The following SNX22 variants were observed in gnomAD, a reference collection of about 807,000 sequenced individuals.
SNX22 encodes the protein sorting nexin 22.
A neutral mutation model predicts 24.7 loss-of-function variants in SNX22; 23 were observed. That is an observed-to-expected ratio of 0.93 (90% CI 0.67 to 1.32). SNX22 has a LOEUF of 1.32. Among genes scored for constraint, SNX22 ranks in the 40% most tolerant of loss-of-function variants. SNX22 has a pLI of 0.00. For missense variants in SNX22, 261 were observed against 249.9 expected (o/e 1.04, Z -0.30); for synonymous variants, 99 against 104.0 (o/e 0.95, Z 0.29).
At position 64,156,637 on chromosome 15, in the gene SNX22, G is replaced by C. The variant is rs1434218894; in HGVS notation, c.*2129G>C. On this transcript the variant is annotated 3_prime_UTR_variant, in exon 7 of 7. Transcript: ENST00000325881. This position sits in a 1 kb window ranked among gnomAD's most constrained non-coding sequence, Gnocchi z 6.4. ...TGTGGGTTGGGTCCTTTTGGGAAAGGGATGGACACATGGAGCTCCTGCCCT... is the reference window on the plus strand; with the variant it reads ...TGTGGGTTGGGTCCTTTTGGGAAAGCGATGGACACATGGAGCTCCTGCCCT... The C allele has an allele frequency of 2.6e-6, 4 of 1,515,860 alleles. No individual in the cohort carries two copies. The highest frequency in any genetic ancestry group is 2.3e-5 in the East Asian group (1 of 44,428). The allele number at this position is 1,515,860 out of a possible 1,614,324, so 93.9% of individuals were successfully genotyped here.
Position 64,156,777 on chromosome 15 carries a change from G to A in SNX22, c.*2269G>A, listed in dbSNP as rs752317657. 6.2e-7 allele frequency: 1 copy of A among 1,614,216 alleles called. No individual in the cohort carries two copies. The highest frequency in any genetic ancestry group is 1.7e-5 in the Admixed American group (1 of 60,030). On this transcript the variant is annotated 3_prime_UTR_variant, in exon 7 of 7. Transcript: ENST00000325881. The surrounding 1 kb of genome is among the most constrained non-coding windows in gnomAD (Gnocchi z 6.4). ...CACATGCTTGCCATCTAGCCAGGCT[G>A]TCTTGACTGTCGTGATGAAGAACTG...
In SNX22 at chr15:64,155,406, G is replaced by T. The variant is rs2081520597; in HGVS notation, c.*898G>T. ...AAGGAAGAAGTCAGCTGGGTGCAGA[G>T]GCTCATGCCTGTAATCCCAATACTT... On this transcript the variant is annotated 3_prime_UTR_variant, in exon 7 of 7. Transcript: ENST00000325881. 6.5e-6 allele frequency: 1 copy of T among 153,572 alleles called. No homozygotes were observed. The highest frequency in any genetic ancestry group is 2.4e-5 in the African/African-American group (1 of 41,226). The allele number at this position is 153,572 out of a possible 1,614,324, so 9.5% of individuals were successfully genotyped here.
chr15:64,153,951 C>T lies in SNX22; in HGVS notation c.409C>T (p.Arg137Trp), dbSNP rs747425611. 13 of 1,612,826 alleles carry T rather than the reference C, an allele frequency of 8.1e-6. 1 individual carries two copies. In the South Asian group the frequency reaches 1.1e-4, roughly 14 times the overall value. The change falls in exon 6 of 7, where the codon CGG (arginine) becomes TGG (tryptophan). Residue 137 changes from arginine to tryptophan, a missense_variant. Transcript: ENST00000325881. Reference protein sequence around the residue: ...PGDSSSQQHQRPVLSFHVDPY... With the variant: ...PGDSSSQQHQWPVLSFHVDPY... ...TCCTCCCAGCTCCCAGCAGCACCAG[C>T]GGCCTGTCCTGAGCTTCCATGTGGA...
intron 1 of SNX22, 155 bp downstream of exon 1, chr15:64,152,005 T>G: frequency 1.2e-6 from 1 of 838,602 alleles, no homozygotes; most frequent in Non-Finnish European, 1.7e-6. Context: ...GCCGCTTGGA[T>G]TTGCCAGCCT....
intron 3 of SNX22, 97 bp downstream of exon 3, chr15:64,152,839 A>C (rs2081497488): frequency 2.9e-6 from 3 of 1,041,756 alleles, no homozygotes; most frequent in Middle Eastern, 2.1e-4. Context: ...GGAACCCACA[A>C]CTTGGGGATG....
At position 64,153,142 on chromosome 15, in the gene SNX22, G is replaced by A. The variant is rs1235819067; in HGVS notation, c.265-103G>A. ...GGTTCAACGCTCTGCTGTCATTGTC[G>A]TGAAATTCTTTTTTTGGAACAAAGA... On this transcript the variant is annotated intron_variant, in intron 3 of 6. Transcript: ENST00000325881. The A allele has an allele frequency of 4.9e-6, 7 of 1,426,146 alleles. No homozygotes were observed. The East Asian group carries it at 1.2e-4, about 24-fold the overall frequency. 88.3% of individuals were successfully genotyped at this position (1,426,146 alleles called of 1,614,324 possible). A position where few individuals can be genotyped will look rare whatever the true frequency, so the allele number is the denominator to read the frequency against.
At chr15:64,153,424 AC>A in intron 4 of SNX22, 85 bp downstream of exon 4, 1 of 1,587,548 alleles carries the variant, frequency 6.3e-7, no homozygotes, top group Non-Finnish European at 8.6e-7. Flanking sequence ...CTTTCTTTTC[AC>A]ATCTGCCAGG....
rs767878852 is a variant in SNX22, at chr15:64,154,551, CCT to C, written c.*46_*47del. 1 of 1,609,840 alleles carries C rather than the reference CCT, an allele frequency of 6.2e-7. No homozygotes were observed. Among genetic ancestry groups the C allele is most frequent in the South Asian group, 1.1e-5 (1 of 90,754 alleles). ...GGCTGCCTCCTAAGAAAGTCATGTG[CCT>C]CTGTCCTATGAACTCCATATAAGGC... On this transcript the variant is annotated 3_prime_UTR_variant, in exon 7 of 7. Transcript: ENST00000325881.
At position 64,157,314 on chromosome 15, in the gene SNX22, G is replaced by A; in HGVS notation, c.*2806G>A. 4.5e-6 allele frequency: 1 copy of A among 223,362 alleles called. No homozygotes were observed. 13.8% of individuals were successfully genotyped at this position (223,362 alleles called of 1,614,324 possible). On this transcript the variant is annotated 3_prime_UTR_variant, in exon 7 of 7. Transcript: ENST00000325881. This position sits in a 1 kb window ranked among gnomAD's most constrained non-coding sequence, Gnocchi z 4.2. ...CCAGAAAAGGAGGACTGCTGTGGCT[G>A]ACCAGCCTGTTTTCCTATGAGCACA...
In SNX22 at chr15:64,156,001, C is replaced by CACT. The variant is rs753313770; in HGVS notation, c.*1494_*1495insCTA. On this transcript the variant is annotated 3_prime_UTR_variant, in exon 7 of 7. Coordinates refer to ENST00000325881, the MANE Select transcript of SNX22 (RefSeq NM_024798.3). This position sits in a 1 kb window ranked among gnomAD's most constrained non-coding sequence, Gnocchi z 6.4. ...TACAGGGCCTGCACAGACGGTCACT[C>CACT]AAAGAAAGATGTCCCTGTGCCCTAC... is the stretch of plus-strand genomic sequence containing the variant. The CACT allele has an allele frequency of 6.2e-6, 10 of 1,614,092 alleles. 1 individual carries two copies. In the South Asian group the frequency reaches 1.1e-4, roughly 18 times the overall value.
intron 5 of SNX22, 36 bp from the exon 6 acceptor site, chr15:64,153,898 TC>T: frequency 6.2e-7 from 1 of 1,600,888 alleles, no homozygotes; most frequent in Non-Finnish European, 8.5e-7. Context: ...CTGCCCTGCC[TC>T]CCGCACCCAT....
rs778766451 is a variant in SNX22 at position 64,154,022 on chromosome 15, T to C, written c.460+20T>C. ...CCCCAGGTGAGGAGGTGCCTAGATA[T>C]GGGGCTACAGGGCTGGGTTGTGGGC... On this transcript the variant is annotated intron_variant, in intron 6 of 6. Transcript: ENST00000325881. The C allele has an allele frequency of 9.9e-6, 16 of 1,614,106 alleles. No individual in the cohort carries two copies. In the East Asian group the frequency reaches 1.6e-4, roughly 16 times the overall value.
At position 64,156,972 on chromosome 15, in the gene SNX22, G is replaced by A. The variant is rs576181114; in HGVS notation, c.*2464G>A. On this transcript the variant is annotated 3_prime_UTR_variant, in exon 7 of 7. Transcript: ENST00000325881. The surrounding 1 kb of genome is among the most constrained non-coding windows in gnomAD (Gnocchi z 6.4). ...TGCGCCAAACCAAGCAGACATTCGG[G>A]GCCAGGACTGAGGGGGCTTAACCTG... The A allele has an allele frequency of 1.2e-5, 18 of 1,549,598 alleles. No individual in the cohort carries two copies. In the African/African-American group the frequency reaches 2.0e-4, roughly 18 times the overall value.
rs138741187 is a variant in SNX22 at position 64,156,896 on chromosome 15, G to A, written c.*2388G>A. On this transcript the variant is annotated 3_prime_UTR_variant, in exon 7 of 7. Transcript: ENST00000325881. This position sits in a 1 kb window ranked among gnomAD's most constrained non-coding sequence, Gnocchi z 6.4. ...AGTTCTCATCGGGGAAGCGCTCACC[G>A]TAGATGCTCTTTCCTGGGAAAAAAG... is the stretch of plus-strand genomic sequence containing the variant. 2.8e-5 allele frequency: 45 copies of A among 1,614,004 alleles called. No individual in the cohort carries two copies. The highest frequency in any genetic ancestry group is 1.7e-4 in the African/African-American group (13 of 74,918).
rs143287832 is a variant in SNX22 at position 64,156,068 on chromosome 15, G to A, written c.*1560G>A. ...AGGGCTTCTCCACCTCGATCTTGCC[G>A]CAGTCTGCGATGATCACATCCTTCA... On this transcript the variant is annotated 3_prime_UTR_variant, in exon 7 of 7. Coordinates refer to ENST00000325881, the MANE Select transcript of SNX22 (RefSeq NM_024798.3). This position sits in a 1 kb window ranked among gnomAD's most constrained non-coding sequence, Gnocchi z 6.4. 3.2e-5 allele frequency: 51 copies of A among 1,614,062 alleles called. No homozygotes were observed. Among genetic ancestry groups the A allele is most frequent in the African/African-American group, 1.5e-4 (11 of 74,920 alleles).
In SNX22 at chr15:64,155,991, G is replaced by A; in HGVS notation, c.*1483G>A. ...TGTGGCGGACTACAGGGCCTGCACA[G>A]ACGGTCACTCAAAGAAAGATGTCCC... On this transcript the variant is annotated 3_prime_UTR_variant, in exon 7 of 7. Coordinates refer to ENST00000325881, the MANE Select transcript of SNX22 (RefSeq NM_024798.3). 1.2e-6 allele frequency: 2 copies of A among 1,614,050 alleles called. No individual in the cohort carries two copies. The highest frequency in any genetic ancestry group is 1.7e-6 in the Non-Finnish European group (2 of 1,179,976).
chr15:64,153,791 G>C (rs1473246958), intron 5 of SNX22, 107 bp downstream of exon 5: 12 of 1,599,372 alleles, frequency 7.5e-6, no homozygotes, highest in African/African-American at 1.3e-5. Flanking sequence ...CCTGAAGTCT[G>C]TTTTCCCTTT....
intron 1 of SNX22, 28 bp downstream of exon 1, chr15:64,151,878 G>T: frequency 6.6e-7 from 1 of 1,518,728 alleles, no homozygotes; most frequent in Non-Finnish European, 8.8e-7. Context: ...ATGGGGAGGG[G>T]CGCCGGGACC....
rs1221000050 is a variant in SNX22, at chr15:64,156,362, C to G, written c.*1854C>G. On this transcript the variant is annotated 3_prime_UTR_variant, in exon 7 of 7. Transcript: ENST00000325881. The surrounding 1 kb of genome is among the most constrained non-coding windows in gnomAD (Gnocchi z 6.4). ...GGAATTTTGTTCCTTTGAAGTAAGA[C>G]CCAGGTTGGGCCAAGGGTGAGGAGG... 5 of 700,918 alleles carry G rather than the reference C, an allele frequency of 7.1e-6. No individual in the cohort carries two copies. The highest frequency in any genetic ancestry group is 1.8e-5 in the African/African-American group (1 of 56,818). 43.4% of individuals were successfully genotyped at this position (700,918 alleles called of 1,614,324 possible).
Sources: gnomAD v4.1 joint callset for allele counts on GRCh38, gnomAD v4.1.1 for gene constraint, Gnocchi (gnomAD v3.1) non-coding constraint, MANE v1.5 for transcripts, NCBI Gene and HGNC (gene_info 2026-07-23, HGNC 2026-07-21) for gene names.